Variants in SDK1 observed in about 807,000 individuals in gnomAD.
SDK1 encodes the protein protein sidekick-1.
Under a neutral mutation model 245.5 loss-of-function variants are expected in SDK1, and 157 were observed. The ratio of observed to expected loss-of-function variants is 0.64; its 90% CI spans 0.56 to 0.73. The LOEUF is 0.73. Among genes scored for constraint, SDK1 ranks in the 30% least tolerant of loss-of-function variants. The pLI is 0.00. For missense variants in SDK1, 3,583 were observed against 3,002.3 expected, an observed-to-expected ratio of 1.19 and a Z score of -4.52; for synonymous variants, 1,647 against 1,278.5, an observed-to-expected ratio of 1.29 and a Z score of -6.15.
At chr7:4,051,585 G>C (rs1364868866) in intron 18 of SDK1, 53 bp from the exon 19 acceptor site, 2 of 1,483,880 alleles carry the variant, frequency 1.3e-6, no homozygotes, top group Non-Finnish European at 1.9e-6. Context: ...AGACATGAGT[G>C]TGGAGAAATG....
At chr7:3,483,018 T>C (rs1446045548) in intron 1 of SDK1, among the ~76,000 whole-genome samples, 2 of 151,476 alleles carry the variant, frequency 1.3e-5, no homozygotes, top group Non-Finnish European at 2.9e-5. Context: ...ACCAGTTTAA[T>C]TAACACTTGT....
intron 19 of SDK1, among the ~76,000 whole-genome samples, chr7:4,057,585 T>C (rs1315986721): frequency 1.3e-5 from 2 of 152,108 alleles, no homozygotes; most frequent in African/African-American, 2.4e-5. Context: ...CCTGCAGCCA[T>C]TGCCAGCACC....
chr7:3,901,272 C>T (rs1041426152), intron 5 of SDK1, among the ~76,000 whole-genome samples: 7 of 152,070 alleles, frequency 4.6e-5, no homozygotes, highest in East Asian at 1.9e-4. Flanking sequence ...CTGCAACCTC[C>T]GCCTCCCGGG....
At chr7:3,372,093 A>G (rs10454314) in intron 1 of SDK1, among the ~76,000 whole-genome samples, 74,291 of 152,072 alleles carry the variant, frequency 0.49, 19,401 homozygotes, top group East Asian at 0.61. Context: ...AACAGCATTT[A>G]TGTTCCATTC....
intron 1 of SDK1, chr7:3,338,369 G>C (rs1780257907): frequency 3.8e-6 from 2 of 521,980 alleles, no homozygotes; most frequent in Non-Finnish European, 7.3e-6. Flanking sequence ...GTCAGGGCAC[G>C]ACTCTTGCCA....
chr7:3,581,040 C>T (rs1343748085), intron 1 of SDK1, among the ~76,000 whole-genome samples: 4 of 137,250 alleles, frequency 2.9e-5, no homozygotes, highest in African/African-American at 5.4e-5. Context: ...CCATTCTGGA[C>T]ATAAGAACTG....
At chr7:3,854,228 C>T (rs896732798) in intron 5 of SDK1, among the ~76,000 whole-genome samples, 1 of 152,160 alleles carries the variant, frequency 6.6e-6, no homozygotes. Context: ...TTGAAATCAT[C>T]TGACTTCAGT....
intron 1 of SDK1, among the ~76,000 whole-genome samples, chr7:3,466,144 A>G (rs1780993393): frequency 1.3e-5 from 2 of 151,900 alleles, no homozygotes; most frequent in Admixed American, 1.3e-4. Flanking sequence ...GTTGCCAGCC[A>G]TGACCGAGCA....
intron 1 of SDK1, among the ~76,000 whole-genome samples, chr7:3,472,256 G>A (rs201120623): frequency 6.6e-6 from 1 of 151,978 alleles, no homozygotes; most frequent in African/African-American, 2.4e-5. Context: ...TTATAATTTT[G>A]TAATACCTTT....
chr7:4,212,523 G>T (rs112514364), intron 38 of SDK1, among the ~76,000 whole-genome samples: 5,277 of 152,260 alleles, frequency 0.035, 136 homozygotes, highest in South Asian at 0.066. Flanking sequence ...GGGAGGGACG[G>T]GGATTTAGTG....
rs1330572091 is a variant in SDK1, at chr7:4,076,982, T to A, written c.3011-16T>A. 1 of 1,612,282 alleles carries A rather than the reference T, an allele frequency of 6.2e-7. No homozygotes were observed. The highest frequency in any genetic ancestry group is 1.1e-5 in the South Asian group (1 of 90,976). On this transcript the variant is annotated splice_polypyrimidine_tract_variant and intron_variant, in intron 20 of 44. Transcript: ENST00000404826. The stretch of plus-strand genomic sequence containing the variant: ...CTTCAGGAGACCAACACTGGTCTGG[T>A]CCTGTTGCTTTCTAGGCTATCAGAT...
At chr7:4,057,287 A>G (rs1479264407) in intron 19 of SDK1, among the ~76,000 whole-genome samples, 1 of 152,078 alleles carries the variant, frequency 6.6e-6, no homozygotes, top group Non-Finnish European at 1.5e-5. Flanking sequence ...GAGCAACACT[A>G]TCCAGGGCCC....
At chr7:4,197,241 A>G (rs963185385) in intron 35 of SDK1, among the ~76,000 whole-genome samples, 2 of 151,860 alleles carry the variant, frequency 1.3e-5, no homozygotes, top group Non-Finnish European at 2.9e-5. Context: ...AGGTGGGAGG[A>G]TTGCTTGGGC....
At chr7:3,767,294 G>A (rs528088507) in intron 4 of SDK1, among the ~76,000 whole-genome samples, 1 of 152,144 alleles carries the variant, frequency 6.6e-6, no homozygotes, top group South Asian at 2.1e-4. Flanking sequence ...GTTGACCCAG[G>A]GACTAAGGGG....
chr7:3,445,201 T>C (rs1234805343), intron 1 of SDK1, among the ~76,000 whole-genome samples: 1 of 152,212 alleles, frequency 6.6e-6, no homozygotes, highest in Middle Eastern at 3.2e-3. Context: ...AAACAATATA[T>C]TCTTTTAAGA....
chr7:4,134,544 C>T (rs542298557), intron 28 of SDK1, among the ~76,000 whole-genome samples: 33 of 152,340 alleles, frequency 2.2e-4, no homozygotes, highest in Admixed American at 1.8e-3. Flanking sequence ...TCTGATTACC[C>T]GGGAGCTGTC....
chr7:3,338,989 C>G (rs560595739), intron 1 of SDK1, among the ~76,000 whole-genome samples: 4 of 152,234 alleles, frequency 2.6e-5, no homozygotes, highest in African/African-American at 9.6e-5. Context: ...TATAGATGAT[C>G]TGAATACACC....
At chr7:4,158,646 AC>A in intron 31 of SDK1, 95 bp downstream of exon 31, 2 of 834,310 alleles carry the variant, frequency 2.4e-6, no homozygotes, top group East Asian at 5.1e-5. Flanking sequence ...GAAAGGGGCC[AC>A]CAGGGAGTGG....
intron 4 of SDK1, among the ~76,000 whole-genome samples, chr7:3,670,386 G>T (rs574203449): frequency 6.6e-6 from 1 of 152,220 alleles, no homozygotes; most frequent in Admixed American, 6.5e-5. Flanking sequence ...TAGTTTCCCG[G>T]ATCAGATACC....
Sources: gnomAD v4.1 joint callset for allele counts (sites outside exome capture counted in the v4.1 genomes callset) on GRCh38, gnomAD v4.1.1 for gene constraint, MANE v1.5 for transcripts, NCBI Gene and HGNC (gene_info 2026-07-23, HGNC 2026-07-21) for gene names.